The following APBB2 variants were observed in gnomAD, a reference collection of about 807,000 sequenced individuals.
APBB2 encodes the protein amyloid beta precursor protein binding family B member 2.
APBB2 carries 38 observed loss-of-function variants against 82.5 expected under a neutral mutation model. The ratio of observed to expected loss-of-function variants is 0.46; its 90% CI spans 0.36 to 0.60. The LOEUF is 0.60. Among genes scored for constraint, APBB2 ranks in the 20% least tolerant of loss-of-function variants. APBB2 has a pLI of 0.00. For missense variants in APBB2, 772 were observed against 972.3 expected, an observed-to-expected ratio of 0.79 and a Z score of 2.74; for synonymous variants, 341 against 368.2, an observed-to-expected ratio of 0.93 and a Z score of 0.85.
At chr4:40,886,724 G>C (rs1470704065) in intron 12 of APBB2, among the ~76,000 whole-genome samples, 1 of 152,086 alleles carries the variant, frequency 6.6e-6, no homozygotes, top group Non-Finnish European at 1.5e-5. Flanking sequence ...CAGTCGCCAA[G>C]GGCAGAAATG....
At chr4:40,927,707 C>T (rs1782983431) in intron 10 of APBB2, among the ~76,000 whole-genome samples, 1 of 152,160 alleles carries the variant, frequency 6.6e-6, no homozygotes, top group Non-Finnish European at 1.5e-5. Context: ...GTCTCGAACT[C>T]CTGGGCTCAA....
intron 6 of APBB2, among the ~76,000 whole-genome samples, chr4:40,971,884 G>C (rs1395222102): frequency 6.6e-6 from 1 of 152,142 alleles, no homozygotes; most frequent in Non-Finnish European, 1.5e-5. Flanking sequence ...AAAGCCTATA[G>C]TGCATAATGA....
chr4:41,116,320 G>T (rs781225815), intron 2 of APBB2, among the ~76,000 whole-genome samples: 5 of 152,170 alleles, frequency 3.3e-5, no homozygotes, highest in Admixed American at 6.5e-5. Flanking sequence ...GTCGGTGGGT[G>T]GGGGGCCAGG....
chr4:40,982,357 AGG>A lies in APBB2; in HGVS notation c.835+31224_835+31225del, dbSNP rs1306969269. 1.2e-4 allele frequency among the ~76,000 whole-genome samples: 2 copies of A among 16,924 alleles called. 1 individual carries two copies. Among genetic ancestry groups the A allele is most frequent in the African/African-American group, 4.8e-4 (2 of 4,208 alleles). The allele number at this position is 16,924 out of a possible 152,430, so 11.1% of individuals were successfully genotyped here. ...AAGGAAGGAAGGAAGGAAGGAAGGA[AGG>A]AAGGAAGGAAGGAAGGAAGGAAGGA... On this transcript the variant is annotated intron_variant, in intron 6 of 17. Transcript: ENST00000508593.
chr4:41,032,936 C>A (rs1717545423), intron 5 of APBB2, among the ~76,000 whole-genome samples: 1 of 150,588 alleles, frequency 6.6e-6, no homozygotes, highest in African/African-American at 2.4e-5. Flanking sequence ...AGGCGCGCGC[C>A]ACCATGCCCG....
At chr4:40,889,636 C>T (rs1771387043) in intron 12 of APBB2, among the ~76,000 whole-genome samples, 1 of 152,216 alleles carries the variant, frequency 6.6e-6, no homozygotes, top group Non-Finnish European at 1.5e-5. Flanking sequence ...AGACCAATTA[C>T]TTAACAATGG....
intron 10 of APBB2, among the ~76,000 whole-genome samples, chr4:40,921,846 G>A (rs1288700228): frequency 1.3e-5 from 2 of 152,194 alleles, no homozygotes; most frequent in Non-Finnish European, 2.9e-5. Flanking sequence ...AGAGACAAGG[G>A]TCGCTTGCAG....
At chr4:41,007,510 A>G (rs1807084872) in intron 6 of APBB2, among the ~76,000 whole-genome samples, 1 of 152,180 alleles carries the variant, frequency 6.6e-6, no homozygotes, top group Non-Finnish European at 1.5e-5. Context: ...TTTCCTTGGC[A>G]CTGGCCCTCC....
chr4:40,941,068 A>C (rs1786765393), intron 7 of APBB2, among the ~76,000 whole-genome samples: 1 of 152,232 alleles, frequency 6.6e-6, no homozygotes, highest in Admixed American at 6.5e-5. Flanking sequence ...AAAATTTTCA[A>C]ACTGTAAGGA....
At chr4:40,898,519 C>T (rs1429799771) in intron 10 of APBB2, among the ~76,000 whole-genome samples, 3 of 152,108 alleles carry the variant, frequency 2.0e-5, no homozygotes, top group Non-Finnish European at 4.4e-5. Flanking sequence ...CCCACCTTGG[C>T]CTCCCAAAGT....
intron 1 of APBB2, among the ~76,000 whole-genome samples, chr4:41,181,361 G>T (rs1373611663): frequency 6.6e-6 from 1 of 152,176 alleles, no homozygotes; most frequent in Non-Finnish European, 1.5e-5. Flanking sequence ...ACTCAAGTGG[G>T]TTAATTATAC....
At chr4:40,862,944 C>T (rs996533746) in intron 12 of APBB2, among the ~76,000 whole-genome samples, 5 of 151,604 alleles carry the variant, frequency 3.3e-5, no homozygotes, top group South Asian at 2.1e-4. Flanking sequence ...ACATAAGCAC[C>T]GTCCCTTCTG....
chr4:41,037,525 T>C (rs1361690721), intron 4 of APBB2, among the ~76,000 whole-genome samples: 1 of 152,192 alleles, frequency 6.6e-6, no homozygotes, highest in Non-Finnish European at 1.5e-5. Flanking sequence ...TTTAAAAGCT[T>C]TGCAGAATAA....
At chr4:40,889,154 T>C (rs891518236) in intron 12 of APBB2, among the ~76,000 whole-genome samples, 4 of 152,224 alleles carry the variant, frequency 2.6e-5, no homozygotes, top group Non-Finnish European at 5.9e-5. Context: ...GATGCAACTG[T>C]GCTCCCAGGA....
chr4:40,820,993 C>T (rs534154820), intron 17 of APBB2, among the ~76,000 whole-genome samples: 3 of 152,192 alleles, frequency 2.0e-5, no homozygotes, highest in East Asian at 1.9e-4. Flanking sequence ...CTCAGCCTCC[C>T]GAGTAGCTGG....
At chr4:41,049,231 A>T (rs201344433) in intron 4 of APBB2, among the ~76,000 whole-genome samples, 3 of 137,786 alleles carry the variant, frequency 2.2e-5, no homozygotes, top group Non-Finnish European at 3.2e-5. Context: ...GCCTCTGCCC[A>T]GCCGCGACCC....
chr4:41,055,075 G>A (rs1420851392), intron 4 of APBB2, among the ~76,000 whole-genome samples: 1 of 152,160 alleles, frequency 6.6e-6, no homozygotes, highest in East Asian at 1.9e-4. Flanking sequence ...CACCACACTT[G>A]CTATGCTCTG....
At chr4:40,949,995 C>T (rs987829546) in intron 6 of APBB2, among the ~76,000 whole-genome samples, 1 of 152,120 alleles carries the variant, frequency 6.6e-6, no homozygotes, top group African/African-American at 2.4e-5. Context: ...ACCGTGGGAA[C>T]CCAACTCAGA....
intron 12 of APBB2, among the ~76,000 whole-genome samples, chr4:40,845,867 T>C (rs1757388704): frequency 6.6e-6 from 1 of 152,050 alleles, no homozygotes; most frequent in South Asian, 2.1e-4. Flanking sequence ...CATCACACCA[T>C]TATCCACAGG....
Sources: allele counts gnomAD v4.1 joint callset (sites outside exome capture counted in the v4.1 genomes callset), GRCh38; gene constraint gnomAD v4.1.1; transcripts MANE v1.5; gene names NCBI Gene and HGNC (gene_info 2026-07-23, HGNC 2026-07-21).